The following DCAF1 variants were observed in gnomAD, a reference collection of about 807,000 sequenced individuals.
The protein encoded by DCAF1 is DDB1- and CUL4-associated factor 1.
In DCAF1, 15 loss-of-function variants were observed where a neutral mutation model predicts 128.0. The ratio of observed to expected loss-of-function variants is 0.12; its 90% CI spans 0.08 to 0.18. The LOEUF is 0.18. DCAF1 is among the 10% of genes least tolerant of loss of function. The pLI is 1.00. For missense variants in DCAF1, 988 were observed against 1,649.5 expected (o/e 0.60, Z 6.95); for synonymous variants, 610 against 603.0 (o/e 1.01, Z -0.17).
upstream of DCAF1, among the ~76,000 whole-genome samples, chr3:51,502,360 C>A (rs1417816532): frequency 1.3e-5 from 2 of 152,028 alleles, no homozygotes; most frequent in African/African-American, 4.8e-5. Context: ...TAGAGAGACA[C>A]CCCCACCCTC....
upstream of DCAF1, among the ~76,000 whole-genome samples, chr3:51,503,282 G>A (rs1553664698): frequency 1.3e-5 from 2 of 152,128 alleles, no homozygotes; most frequent in Non-Finnish European, 2.9e-5. Flanking sequence ...CTACAGATTA[G>A]CATGCTCTAC....
At chr3:51,503,293 C>A (rs140011386), upstream of DCAF1, among the ~76,000 whole-genome samples, 14 of 152,240 alleles carry the variant, frequency 9.2e-5, no homozygotes, top group East Asian at 2.5e-3. Context: ...CATGCTCTAC[C>A]TACTCCCACC....
At position 51,414,034 on chromosome 3, in the gene DCAF1, G is replaced by A; in HGVS notation, c.3847C>T (p.Arg1283Ter). The change falls in exon 20 of 25, where the codon CGA becomes TGA. Residue 1283 changes from arginine (R) to a stop codon, truncating the protein, a stop_gained. Transcript: ENST00000684031. LOFTEE classifies it high-confidence loss of function. The stretch of plus-strand genomic sequence containing the variant: ...ACAGTATGCAAAAGATGAAAAGTTC[G>A]AAGGTCCCACTAGGAGGGGAATGGT... ...VIINTEIWDLRTFHLLHTVPA... is the reference protein window; with the variant it reads ...VIINTEIWDL 1 of 1,602,708 alleles carries A rather than the reference G, an allele frequency of 6.2e-7. No individual in the cohort carries two copies. Among genetic ancestry groups the A allele is most frequent in the Non-Finnish European group, 8.5e-7 (1 of 1,175,022 alleles).
chr3:51,432,838 G>GCTTT (rs1700512151), intron 10 of DCAF1, among the ~76,000 whole-genome samples: 2 of 152,264 alleles, frequency 1.3e-5, no homozygotes, highest in Admixed American at 1.3e-4. Flanking sequence ...TAATGCCACA[G>GCTTT]AAATGGCAAA....
At chr3:51,408,602 T>A (rs1297156511) in intron 23 of DCAF1, among the ~76,000 whole-genome samples, 1 of 152,192 alleles carries the variant, frequency 6.6e-6, no homozygotes, top group Non-Finnish European at 1.5e-5. Context: ...ACACTGTGCA[T>A]GAGAGGCAGT....
At chr3:51,431,513 C>T (rs1191577558) in intron 10 of DCAF1, among the ~76,000 whole-genome samples, 5 of 142,444 alleles carry the variant, frequency 3.5e-5, no homozygotes, top group Non-Finnish European at 7.6e-5. Context: ...GAGCAAGATT[C>T]CGTCTCAAAA....
At chr3:51,450,250 G>A (rs1319968931) in intron 6 of DCAF1, among the ~76,000 whole-genome samples, 1 of 152,050 alleles carries the variant, frequency 6.6e-6, no homozygotes, top group Non-Finnish European at 1.5e-5. Flanking sequence ...AAATTGACTG[G>A]GAGGTAACAC....
chr3:51,489,263 G>A (rs1005515615), intron 2 of DCAF1, among the ~76,000 whole-genome samples: 33 of 149,324 alleles, frequency 2.2e-4, no homozygotes, highest in African/African-American at 7.4e-4. Context: ...GTGAAATCTC[G>A]TCTCCAGTAA....
At chr3:51,496,593 T>C (rs1386023625) in intron 2 of DCAF1, among the ~76,000 whole-genome samples, 141 bp downstream of exon 2, 2 of 151,882 alleles carry the variant, frequency 1.3e-5, no homozygotes, top group Non-Finnish European at 2.9e-5. Context: ...TAATTTACCA[T>C]ACTTACATTA....
chr3:51,401,366 A>C (rs530989114), intron 24 of DCAF1, among the ~76,000 whole-genome samples: 10 of 152,320 alleles, frequency 6.6e-5, no homozygotes, highest in Middle Eastern at 6.8e-3. Flanking sequence ...GTGTTAGGCA[A>C]AACCATGGGT....
chr3:51,448,544 C>T (rs533129436), intron 6 of DCAF1, among the ~76,000 whole-genome samples: 4 of 152,258 alleles, frequency 2.6e-5, no homozygotes, highest in South Asian at 4.1e-4. Context: ...TTTTAAATTC[C>T]GTAACTATAA....
chr3:51,445,498 AAATG>A (rs782117595), intron 6 of DCAF1, among the ~76,000 whole-genome samples: 3 of 152,344 alleles, frequency 2.0e-5, no homozygotes, highest in Non-Finnish European at 2.9e-5. Context: ...CAGATGAGGA[AAATG>A]AATCACAGTG....
At chr3:51,503,239 A>G (rs547583886), upstream of DCAF1, among the ~76,000 whole-genome samples, 2 of 152,182 alleles carry the variant, frequency 1.3e-5, no homozygotes, top group South Asian at 2.1e-4. Flanking sequence ...AGAAAAGGTA[A>G]GAAGAGCCCA....
intron 23 of DCAF1, among the ~76,000 whole-genome samples, chr3:51,406,364 A>AC (rs1226170801): frequency 1.3e-5 from 2 of 151,088 alleles, no homozygotes; most frequent in Non-Finnish European, 2.9e-5. Flanking sequence ...AAAAAAAAAA[A>AC]ACCAAATTTT....
At chr3:51,436,424 G>C (rs782081385) in intron 9 of DCAF1, 1 of 520,086 alleles carries the variant, frequency 1.9e-6, no homozygotes, top group East Asian at 5.4e-5. Context: ...GAGGATGCTA[G>C]AATACGGAAT....
intron 3 of DCAF1, among the ~76,000 whole-genome samples, chr3:51,472,297 C>G (rs1450183284): frequency 1.3e-5 from 2 of 152,146 alleles, no homozygotes; most frequent in East Asian, 3.8e-4. Flanking sequence ...TTTTTCCCAC[C>G]ATCTAAGCCT....
intron 13 of DCAF1, among the ~76,000 whole-genome samples, chr3:51,427,063 C>T (rs1553634216): frequency 6.6e-6 from 1 of 152,176 alleles, no homozygotes; most frequent in Non-Finnish European, 1.5e-5. Flanking sequence ...TCCTGGACTC[C>T]AGGCTCAAGA....
intron 4 of DCAF1, among the ~76,000 whole-genome samples, chr3:51,467,116 G>A (rs1010907770): frequency 6.6e-6 from 1 of 152,050 alleles, no homozygotes; most frequent in Non-Finnish European, 1.5e-5. Context: ...GGCAGATCAC[G>A]AGGTCAGGAG....
chr3:51,471,505 C>G (rs1350601602), intron 3 of DCAF1, among the ~76,000 whole-genome samples: 1 of 151,966 alleles, frequency 6.6e-6, no homozygotes, highest in Non-Finnish European at 1.5e-5. Context: ...CTTATATAAA[C>G]TTTCCCTTCT....
Sources: gnomAD v4.1 joint callset for allele counts (sites outside exome capture counted in the v4.1 genomes callset) on GRCh38, gnomAD v4.1.1 for gene constraint, MANE v1.5 for transcripts, NCBI Gene and HGNC (gene_info 2026-07-23, HGNC 2026-07-21) for gene names.